ADAMTS6: variants seen among roughly 807,000 people sequenced by gnomAD.
The protein encoded by ADAMTS6 is A disintegrin and metalloproteinase with thrombospondin motifs 6.
Under a neutral mutation model 144.3 loss-of-function variants are expected in ADAMTS6, and 23 were observed. The observed-to-expected ratio is 0.16, with a 90% CI of 0.11 to 0.23. The LOEUF (loss-of-function observed/expected upper bound fraction) is 0.23. ADAMTS6 is among the 10% of genes least tolerant of loss of function. ADAMTS6 has a pLI of 1.00. For missense variants in ADAMTS6, 999 were observed against 1,379.6 expected, an observed-to-expected ratio of 0.72 and a Z score of 4.37; for synonymous variants, 444 against 457.5, an observed-to-expected ratio of 0.97 and a Z score of 0.38.
intron 7 of ADAMTS6, among the ~76,000 whole-genome samples, chr5:65,344,060 C>G (rs1439813276): frequency 6.6e-6 from 1 of 151,922 alleles, no homozygotes; most frequent in Non-Finnish European, 1.5e-5. Context: ...GTTTTACATT[C>G]ATTCTAATAT....
chr5:65,453,321 G>T (rs1758904642), intron 4 of ADAMTS6, among the ~76,000 whole-genome samples: 1 of 151,900 alleles, frequency 6.6e-6, no homozygotes, highest in South Asian at 2.1e-4. Flanking sequence ...TGATAGCCCT[G>T]ATTTTGCAAA....
At chr5:65,346,956 A>C (rs1433946165) in intron 7 of ADAMTS6, among the ~76,000 whole-genome samples, 1 of 147,606 alleles carries the variant, frequency 6.8e-6, no homozygotes, top group Non-Finnish European at 1.5e-5. Flanking sequence ...AATACCATTA[A>C]AAAAAAAAAC....
chr5:65,398,794 A>G (rs866450186), intron 7 of ADAMTS6, among the ~76,000 whole-genome samples: 16 of 54,694 alleles, frequency 2.9e-4, no homozygotes, highest in African/African-American at 1.1e-3. Flanking sequence ...GAAAGAAAGA[A>G]AGAAAGAAAG....
At chr5:65,366,109 T>G (rs954237998) in intron 7 of ADAMTS6, among the ~76,000 whole-genome samples, 2 of 152,106 alleles carry the variant, frequency 1.3e-5, no homozygotes, top group African/African-American at 4.8e-5. Flanking sequence ...AATCATTGCA[T>G]CAGATCTCAG....
intron 7 of ADAMTS6, among the ~76,000 whole-genome samples, chr5:65,356,782 A>G (rs1160293862): frequency 6.6e-6 from 1 of 151,900 alleles, no homozygotes; most frequent in Non-Finnish European, 1.5e-5. Flanking sequence ...TTCCAACTAA[A>G]TATTGATGCA....
intron 7 of ADAMTS6, among the ~76,000 whole-genome samples, chr5:65,422,590 C>T (rs560401400): frequency 1.3e-5 from 2 of 151,808 alleles, no homozygotes; most frequent in Admixed American, 1.3e-4. Context: ...CCACTGCACT[C>T]CAGCCTGGTG....
chr5:65,283,545 T>C (rs752885000), intron 11 of ADAMTS6, among the ~76,000 whole-genome samples: 5 of 152,156 alleles, frequency 3.3e-5, no homozygotes, highest in Admixed American at 6.6e-5. Flanking sequence ...CATGGACTTA[T>C]GATTTTAGCT....
chr5:65,189,746 G>A (rs10805395), intron 21 of ADAMTS6, among the ~76,000 whole-genome samples: 113,397 of 152,102 alleles, frequency 0.75, 42,746 homozygotes, highest in African/African-American at 0.84. Context: ...CTCCAAAATC[G>A]TGAAAAGAGC....
chr5:65,153,312 A>G (rs1752232076), intron 24 of ADAMTS6, among the ~76,000 whole-genome samples: 1 of 152,252 alleles, frequency 6.6e-6, no homozygotes, highest in Admixed American at 6.5e-5. Context: ...ATTAATAGCT[A>G]GAAATATGAA....
At chr5:65,204,878 A>C (rs1755980463) in intron 20 of ADAMTS6, among the ~76,000 whole-genome samples, 1 of 152,234 alleles carries the variant, frequency 6.6e-6, no homozygotes, top group African/African-American at 2.4e-5. Context: ...TATCTTTCAC[A>C]GGGAATTTTT....
At chr5:65,480,194 T>C (rs1403259000) in intron 1 of ADAMTS6, among the ~76,000 whole-genome samples, 1 of 152,084 alleles carries the variant, frequency 6.6e-6, no homozygotes, top group Non-Finnish European at 1.5e-5. Context: ...GAACAGAAAA[T>C]TAGTCCACGA....
At chr5:65,313,060 A>T (rs1182992824) in intron 9 of ADAMTS6, among the ~76,000 whole-genome samples, 1 of 151,966 alleles carries the variant, frequency 6.6e-6, no homozygotes, top group Non-Finnish European at 1.5e-5. Flanking sequence ...AAATGAAGAA[A>T]AATCTCTCAT....
chr5:65,251,470 A>G (rs1486207197), intron 14 of ADAMTS6: 1 of 152,250 alleles, frequency 6.6e-6, no homozygotes, highest in Non-Finnish European at 1.5e-5. Flanking sequence ...GTTCTCCTAT[A>G]TATCTTTAAT....
intron 24 of ADAMTS6, among the ~76,000 whole-genome samples, chr5:65,169,885 G>T (rs1195868420): frequency 1.6e-5 from 2 of 127,276 alleles, no homozygotes; most frequent in Non-Finnish European, 1.6e-5. Flanking sequence ...GGGGACTGTG[G>T]TGGGGAGGGG....
At chr5:65,248,350 T>G (rs1759822506) in intron 14 of ADAMTS6, among the ~76,000 whole-genome samples, 1 of 152,200 alleles carries the variant, frequency 6.6e-6, no homozygotes, top group Non-Finnish European at 1.5e-5. Flanking sequence ...ATAACCCACA[T>G]TGTCCAGACA....
At chr5:65,281,483 T>G (rs1207531508) in intron 11 of ADAMTS6, among the ~76,000 whole-genome samples, 1 of 152,158 alleles carries the variant, frequency 6.6e-6, no homozygotes, top group Admixed American at 6.6e-5. Context: ...TATGCATTAT[T>G]ATTACTGAAC....
At chr5:65,332,312 T>TATATAGAGAG (rs1384467152) in intron 8 of ADAMTS6, among the ~76,000 whole-genome samples, 6 of 102,088 alleles carry the variant, frequency 5.9e-5, no homozygotes, top group Non-Finnish European at 1.1e-4. Flanking sequence ...TATATATATA[T>TATATAGAGAG]AGAGAGAGAG....
chr5:65,334,384 G>A (rs1464439993), intron 7 of ADAMTS6, among the ~76,000 whole-genome samples: 1 of 152,162 alleles, frequency 6.6e-6, no homozygotes, highest in African/African-American at 2.4e-5. Flanking sequence ...TGAAGCTAGA[G>A]TACCTTGTCT....
chr5:65,255,318 G>C (rs1760552069), intron 14 of ADAMTS6, among the ~76,000 whole-genome samples: 1 of 151,784 alleles, frequency 6.6e-6, no homozygotes, highest in African/African-American at 2.4e-5. Context: ...GTGCTGTTTG[G>C]TTACATGCCT....
Sources: gnomAD v4.1 joint callset for allele counts (sites outside exome capture counted in the v4.1 genomes callset) on GRCh38, gnomAD v4.1.1 for gene constraint, MANE v1.5 for transcripts, NCBI Gene and HGNC (gene_info 2026-07-23, HGNC 2026-07-21) for gene names.